The following FRMD5 variants were observed in gnomAD, a reference collection of about 807,000 sequenced individuals.
The protein encoded by FRMD5 is FERM domain containing 5.
A neutral mutation model predicts 69.0 loss-of-function variants in FRMD5; 20 were observed. The ratio of observed to expected loss-of-function variants is 0.29; its 90% CI spans 0.20 to 0.42. The LOEUF is 0.42. FRMD5 is among the 10% of genes least tolerant of loss of function. FRMD5 has a pLI of 1.00. For synonymous variants in FRMD5, 271 were observed against 260.1 expected (o/e 1.04, Z -0.40); for missense variants, 595 against 708.6 (o/e 0.84, Z 1.82).
intron 1 of FRMD5, among the ~76,000 whole-genome samples, chr15:44,019,084 G>T (rs537461341): frequency 5.3e-5 from 8 of 151,998 alleles, no homozygotes; most frequent in African/African-American, 1.9e-4. Flanking sequence ...TAGTAGAGAC[G>T]GAGTTTTGCC....
chr15:44,168,522 T>C (rs1320262616), intron 1 of FRMD5, among the ~76,000 whole-genome samples: 1 of 152,220 alleles, frequency 6.6e-6, no homozygotes, highest in African/African-American at 2.4e-5. Context: ...TTTTGGGTGG[T>C]GAACACAACT....
intron 1 of FRMD5, among the ~76,000 whole-genome samples, chr15:44,164,260 T>C (rs2077671230): frequency 6.6e-6 from 1 of 152,226 alleles, no homozygotes. Flanking sequence ...CATGGTACAT[T>C]CTAATAGTGT....
intron 7 of FRMD5, among the ~76,000 whole-genome samples, chr15:43,897,098 T>G (rs1441015487): frequency 1.3e-5 from 2 of 152,048 alleles, no homozygotes; most frequent in Non-Finnish European, 2.9e-5. Flanking sequence ...AGTTCTTCAT[T>G]TCAGCAGTAA....
intron 1 of FRMD5, among the ~76,000 whole-genome samples, chr15:43,952,851 ATTTG>A (rs2140516962): frequency 6.6e-6 from 1 of 152,340 alleles, no homozygotes; most frequent in East Asian, 1.9e-4. Context: ...ATGAAAAATT[ATTTG>A]TTTGGCTCCT....
intron 1 of FRMD5, among the ~76,000 whole-genome samples, chr15:44,171,179 G>A (rs558918160): frequency 3.3e-5 from 5 of 152,060 alleles, no homozygotes; most frequent in South Asian, 2.1e-4. Context: ...CACATTTTTT[G>A]CATAATATCT....
intron 1 of FRMD5, among the ~76,000 whole-genome samples, chr15:43,982,675 G>A (rs937067519): frequency 2.0e-5 from 3 of 152,080 alleles, no homozygotes; most frequent in African/African-American, 7.2e-5. Context: ...TGGAACTTTA[G>A]CAGTCCTACC....
rs34063043 is a variant in FRMD5 at position 43,875,804 on chromosome 15, G to GTTTTTTTTTTTTTT, written c.1136-1356_1136-1343dup. 112 of 210,628 alleles carry GTTTTTTTTTTTTTT rather than the reference G, an allele frequency of 5.3e-4. 13 individuals are homozygous for GTTTTTTTTTTTTTT. Among genetic ancestry groups the GTTTTTTTTTTTTTT allele is most frequent in the African/African-American group, 2.0e-3 (42 of 20,960 alleles). The allele number at this position is 210,628 out of a possible 1,614,324, so 13.0% of individuals were successfully genotyped here. On this transcript the variant is annotated intron_variant, in intron 13 of 13. Coordinates refer to ENST00000417257, the MANE Select transcript of FRMD5 (RefSeq NM_032892.5). ...TCTTGCCTTTGGTGTCCTGGGCCTA[G>GTTTTTTTTTTTTTT]TTTTTTTTTTTTTTTTTTTTTTTCT... is the stretch of plus-strand genomic sequence containing the variant.
intron 1 of FRMD5, among the ~76,000 whole-genome samples, chr15:43,965,675 A>G (rs2090283461): frequency 7.1e-6 from 1 of 140,002 alleles, no homozygotes; most frequent in African/African-American, 2.7e-5. Flanking sequence ...TCTGCCTCCC[A>G]GGTTCAAGCG....
intron 1 of FRMD5, among the ~76,000 whole-genome samples, chr15:44,003,468 A>C (rs115338159): frequency 6.6e-6 from 1 of 152,160 alleles, no homozygotes; most frequent in East Asian, 1.9e-4. Context: ...TATTTCACTC[A>C]AGAGTAAAAC....
At chr15:43,918,455 C>T (rs1009530258) in intron 4 of FRMD5, among the ~76,000 whole-genome samples, 4 of 152,168 alleles carry the variant, frequency 2.6e-5, no homozygotes, top group Admixed American at 2.6e-4. Flanking sequence ...ATTCTTTCCT[C>T]CTTCTTCCCT....
At chr15:44,084,001 G>C (rs1894093546) in intron 1 of FRMD5, among the ~76,000 whole-genome samples, 1 of 151,944 alleles carries the variant, frequency 6.6e-6, no homozygotes, top group Non-Finnish European at 1.5e-5. Context: ...GGACCTGTCA[G>C]TTTTTCCATC....
At chr15:43,951,354 G>A (rs541935978) in intron 1 of FRMD5, among the ~76,000 whole-genome samples, 3 of 151,418 alleles carry the variant, frequency 2.0e-5, no homozygotes, top group Non-Finnish European at 4.4e-5. Context: ...CCCAGGAGGC[G>A]GCACTTGCAG....
chr15:43,880,241 G>C lies in FRMD5; in HGVS notation c.1135+3462C>G, dbSNP rs150079796. Among the ~76,000 whole-genome samples the C allele has an allele frequency of 2.1e-3, 320 of 152,286 alleles. 1 individual carries two copies. The highest frequency in any genetic ancestry group is 7.3e-3 in the African/African-American group (305 of 41,552). On this transcript the variant is annotated intron_variant, in intron 13 of 13. Coordinates refer to ENST00000417257, the MANE Select transcript of FRMD5 (RefSeq NM_032892.5). ...AGGTAGTCTCTGTGATACTAAATGG[G>C]CCAAATGGACTATAGAAAAGAAAGT...
chr15:44,043,741 G>C (rs921580620), intron 1 of FRMD5, among the ~76,000 whole-genome samples: 5 of 152,116 alleles, frequency 3.3e-5, no homozygotes, highest in African/African-American at 1.2e-4. Flanking sequence ...GCTGAAACTG[G>C]ATCCCTTCCT....
intron 1 of FRMD5, among the ~76,000 whole-genome samples, chr15:44,062,032 T>G (rs775618412): frequency 6.6e-6 from 1 of 152,164 alleles, no homozygotes; most frequent in Non-Finnish European, 1.5e-5. Context: ...TGTGAGAAAT[T>G]GTAGGTTAGA....
chr15:44,138,334 C>T (rs1250122865), intron 1 of FRMD5, among the ~76,000 whole-genome samples: 1 of 151,956 alleles, frequency 6.6e-6, no homozygotes, highest in Non-Finnish European at 1.5e-5. Context: ...ATCTCAGTAC[C>T]AATCAGGATA....
At chr15:43,997,208 C>T (rs1361538025) in intron 1 of FRMD5, among the ~76,000 whole-genome samples, 3 of 152,110 alleles carry the variant, frequency 2.0e-5, no homozygotes. Context: ...AAGGGTAACT[C>T]CCAAATTTCA....
intron 8 of FRMD5, 48 bp downstream of exon 8, chr15:43,891,933 C>A: frequency 6.6e-7 from 1 of 1,509,612 alleles, no homozygotes; most frequent in Non-Finnish European, 9.2e-7. Flanking sequence ...TCGCCCCTCC[C>A]CAGTTGGTGA....
At chr15:44,155,272 A>C (rs2077508715) in intron 1 of FRMD5, among the ~76,000 whole-genome samples, 1 of 151,950 alleles carries the variant, frequency 6.6e-6, no homozygotes, top group Admixed American at 6.5e-5. Flanking sequence ...TCTCTACTAA[A>C]AATACAAAAA....
Sources: allele counts gnomAD v4.1 joint callset (sites outside exome capture counted in the v4.1 genomes callset), GRCh38; gene constraint gnomAD v4.1.1; transcripts MANE v1.5; gene names NCBI Gene and HGNC (gene_info 2026-07-23, HGNC 2026-07-21).